Variants in GTF2H1 observed in about 807,000 individuals in gnomAD.
GTF2H1 encodes the protein general transcription factor IIH subunit 1.
GTF2H1 carries 16 observed loss-of-function variants against 71.2 expected under a neutral mutation model. That is an observed-to-expected ratio of 0.22 (90% CI 0.15 to 0.34). GTF2H1 has a LOEUF of 0.34. GTF2H1 is among the 10% of genes least tolerant of loss of function. The probability of loss-of-function intolerance (pLI) is 1.00; values close to 1 mark genes in which losing one functional copy is unlikely to be tolerated. For missense variants in GTF2H1, 498 were observed against 648.2 expected (o/e 0.77, Z 2.52); for synonymous variants, 215 against 219.0 (o/e 0.98, Z 0.16).
intron 13 of GTF2H1, among the ~76,000 whole-genome samples, chr11:18,358,846 G>A (rs1303396287): frequency 7.2e-5 from 11 of 152,238 alleles, no homozygotes; most frequent in Non-Finnish European, 1.3e-4. Flanking sequence ...ATCCAGACGA[G>A]TTCCATAACT....
chr11:18,344,895 C>G (rs1199890825), intron 7 of GTF2H1, among the ~76,000 whole-genome samples: 5 of 152,076 alleles, frequency 3.3e-5, no homozygotes, highest in Non-Finnish European at 7.4e-5. Flanking sequence ...TTCTGCCTAT[C>G]TTTAGATACC....
intron 11 of GTF2H1, among the ~76,000 whole-genome samples, chr11:18,354,227 G>T (rs940695512): frequency 1.3e-5 from 2 of 152,152 alleles, no homozygotes; most frequent in Non-Finnish European, 2.9e-5. Flanking sequence ...ATCCTACTCA[G>T]TGTGTCATAT....
At position 18,360,606 on chromosome 11, in the gene GTF2H1, C is replaced by T. The variant is rs768110249; in HGVS notation, c.1468-9C>T. 4 of 1,362,184 alleles carry T rather than the reference C, an allele frequency of 2.9e-6. No individual in the cohort carries two copies. The South Asian group carries it at 4.0e-5, about 14-fold the overall frequency. The allele number at this position is 1,362,184 out of a possible 1,614,324, so 84.4% of individuals were successfully genotyped here. On this transcript the variant is annotated splice_polypyrimidine_tract_variant and intron_variant, in intron 13 of 14. Transcript: ENST00000265963. The stretch of plus-strand genomic sequence containing the variant: ...TTCTCTGTAATTTATTGTTTCTCAT[C>T]TTTTTTAGGTAGTGAAAATGAAAAG...
intron 7 of GTF2H1, among the ~76,000 whole-genome samples, chr11:18,343,427 A>G (rs1865208284): frequency 6.6e-6 from 1 of 152,172 alleles, no homozygotes; most frequent in South Asian, 2.1e-4. Context: ...TCTTTTTACT[A>G]CAAATATTGG....
At chr11:18,331,700 T>G (rs538878830) in intron 1 of GTF2H1, among the ~76,000 whole-genome samples, 4 of 151,546 alleles carry the variant, frequency 2.6e-5, no homozygotes, top group Non-Finnish European at 4.4e-5. Context: ...AGTAGTTTTT[T>G]GGGGGTTTTT....
intron 9 of GTF2H1, 124 bp downstream of exon 9, chr11:18,348,043 G>T (rs1865338821): frequency 1.3e-6 from 1 of 755,868 alleles, no homozygotes; most frequent in African/African-American, 1.7e-5. Flanking sequence ...TTAAGCATTT[G>T]GCTTAAAGTG....
chr11:18,326,412 T>C (rs900655609), intron 1 of GTF2H1, among the ~76,000 whole-genome samples: 3 of 151,976 alleles, frequency 2.0e-5, no homozygotes, highest in Non-Finnish European at 4.4e-5. Context: ...ATCCCACCTA[T>C]TTGGGAGGCT....
intron 7 of GTF2H1, among the ~76,000 whole-genome samples, chr11:18,345,078 C>G (rs1052479915): frequency 3.3e-5 from 5 of 151,426 alleles, no homozygotes; most frequent in Non-Finnish European, 7.4e-5. Flanking sequence ...GCAGTCCCAG[C>G]TACTCGGGAG....
chr11:18,358,142 T>A (rs1233814212), intron 12 of GTF2H1, 100 bp downstream of exon 12: 4 of 737,228 alleles, frequency 5.4e-6, no homozygotes, highest in Non-Finnish European at 9.4e-6. Context: ...CTTGGAATAA[T>A]CCTGGGATTT....
rs144690576 is a variant in GTF2H1, at chr11:18,347,588, G to A, written c.838G>A (p.Gly280Ser). 5.2e-5 allele frequency: 83 copies of A among 1,602,498 alleles called. No homozygotes were observed. In the Middle Eastern group the frequency reaches 1.0e-3, roughly 19 times the overall value. The change falls in exon 8 of 15, where the codon GGC becomes AGC. Residue 280 changes from glycine to serine, a missense_variant and splice_region_variant. By Grantham distance (56) the Gly-to-Ser change is moderately conservative. Around this residue, in one of 3 missense-constraint regions of GTF2H1, gnomAD observed 16 missense variants for 40.5 expected, o/e 0.40. Coordinates refer to ENST00000265963, the MANE Select transcript of GTF2H1 (RefSeq NM_005316.4). ...ATTTTTAATCTATTATTTCTCACAG[G>A]GCTATGGCATTTCCTCTGTGCCATC... ...TALEDKPLDE[G>S]YGISSVPSAS...
At chr11:18,337,791 A>G (rs1214009891) in intron 3 of GTF2H1, among the ~76,000 whole-genome samples, 1 of 152,210 alleles carries the variant, frequency 6.6e-6, no homozygotes, top group Non-Finnish European at 1.5e-5. Context: ...AGATACCAAC[A>G]GACAGTACAC....
chr11:18,341,225 AT>A, intron 5 of GTF2H1, 35 bp from the exon 6 acceptor site: 1 of 1,559,620 alleles, frequency 6.4e-7, no homozygotes, highest in South Asian at 1.2e-5. Context: ...AAAAATGGAA[AT>A]TCAGTATATA....
At chr11:18,339,378 G>C (rs1025295101) in intron 4 of GTF2H1, among the ~76,000 whole-genome samples, 186 bp from the exon 5 acceptor site, 8 of 152,190 alleles carry the variant, frequency 5.3e-5, no homozygotes, top group Non-Finnish European at 1.2e-4. Flanking sequence ...GGTCACTTAA[G>C]ACCGTGAGAA....
intron 14 of GTF2H1, among the ~76,000 whole-genome samples, chr11:18,362,100 A>G (rs1456168203): frequency 6.6e-6 from 1 of 152,212 alleles, no homozygotes; most frequent in Non-Finnish European, 1.5e-5. Context: ...AAACCTAGCT[A>G]TATAGCCTAC....
In GTF2H1 at chr11:18,333,136, A is replaced by G. The variant is rs367758797; in HGVS notation, c.62A>G (p.Asp21Gly). 1.1e-5 allele frequency: 18 copies of G among 1,613,446 alleles called. No individual in the cohort carries two copies. Among genetic ancestry groups the G allele is most frequent in the Non-Finnish European group, 1.4e-5 (17 of 1,179,874 alleles). ...IVKKVRQKKQ[D>G]GALYLMAERI... is the part of the protein sequence containing the mutation. Reference sequence around the variant, plus strand: ...AAGAAAGTGCGTCAAAAGAAGCAGGATGGAGCTCTGTACCTCATGGCAGAA... The same window carrying G: ...AAGAAAGTGCGTCAAAAGAAGCAGGGTGGAGCTCTGTACCTCATGGCAGAA... The change falls in exon 2 of 15, where the codon GAT becomes GGT. Residue 21 changes from aspartate to glycine, a missense_variant. Transcript: ENST00000265963.
In GTF2H1 at chr11:18,322,820, C is replaced by T. The variant is rs1480984866; in HGVS notation, c.-16+80C>T. 3 of 152,342 alleles carry T rather than the reference C, an allele frequency of 2.0e-5. No individual in the cohort carries two copies. The East Asian group carries it at 5.8e-4, about 29-fold the overall frequency. 9.4% of individuals were successfully genotyped at this position (152,342 alleles called of 1,614,324 possible). A position where few individuals can be genotyped will look rare whatever the true frequency, so the allele number is the denominator to read the frequency against. ...GACAGGCCTGGGGGCCGCTGGACGG[C>T]GTGGATTCTACCCCTGTTCCCAGCG... On this transcript the variant is annotated intron_variant, in intron 1 of 14. Coordinates refer to ENST00000265963, the MANE Select transcript of GTF2H1 (RefSeq NM_005316.4).
At chr11:18,325,406 G>A (rs772393937) in intron 1 of GTF2H1, among the ~76,000 whole-genome samples, 2 of 152,196 alleles carry the variant, frequency 1.3e-5, no homozygotes, top group South Asian at 4.1e-4. Flanking sequence ...TCCTTATTAT[G>A]TCTTAGCAAG....
chr11:18,339,792 CATATGG>C (rs1225452263), intron 5 of GTF2H1, 135 bp downstream of exon 5: 1 of 591,900 alleles, frequency 1.7e-6, no homozygotes, highest in African/African-American at 1.9e-5. Context: ...CAGTGCCTGA[CATATGG>C]TAGATACTAG....
intron 1 of GTF2H1, among the ~76,000 whole-genome samples, chr11:18,330,848 T>G (rs1864877586): frequency 6.6e-6 from 1 of 152,172 alleles, no homozygotes; most frequent in African/African-American, 2.4e-5. Flanking sequence ...ATTTGTTGGA[T>G]AAATGTATTC....
Sources: allele counts gnomAD v4.1 joint callset (sites outside exome capture counted in the v4.1 genomes callset), GRCh38; gene constraint gnomAD v4.1.1; regional missense constraint gnomAD v4.1.1; transcripts MANE v1.5; gene names NCBI Gene and HGNC (gene_info 2026-07-23, HGNC 2026-07-21).